Variants in ZNF682 observed in about 807,000 individuals in gnomAD.
The protein encoded by ZNF682 is zinc finger protein 682.
In ZNF682, 29 loss-of-function variants were observed where a neutral mutation model predicts 36.5. That is an observed-to-expected ratio of 0.80 (90% CI 0.59 to 1.08). ZNF682 has a LOEUF of 1.08. Among genes scored for constraint, ZNF682 ranks in the 50% least tolerant of loss-of-function variants. ZNF682 has a pLI of 0.00. For missense variants in ZNF682, 561 were observed against 579.7 expected (o/e 0.97, Z 0.33); for synonymous variants, 180 against 197.0 (o/e 0.91, Z 0.72).
Position 20,006,580 on chromosome 19 carries a change from T to G in ZNF682, c.922A>C (p.Thr308Pro), listed in dbSNP as rs1177085788. The change falls in exon 4 of 4, where the codon ACT (threonine) becomes CCT (proline). Residue 308 changes from threonine (T) to proline (P), a missense_variant. Physicochemically the swap from Thr to Pro is conservative, Grantham distance 38 (BLOSUM62 -1). Coordinates refer to ENST00000397165, the MANE Select transcript of ZNF682 (RefSeq NM_033196.3). ...SHLTKHKTIH[T>P]GKKPYKCKEC... is the part of the protein sequence containing the mutation. Reference sequence around the variant, plus strand: ...TTACATTTGTAGGGTTTCTTTCCAGTGTGAATTGTCTTATGTTTGGTGAGA... The same window carrying G: ...TTACATTTGTAGGGTTTCTTTCCAGGGTGAATTGTCTTATGTTTGGTGAGA... 1.1e-5 allele frequency: 18 copies of G among 1,614,094 alleles called. No homozygotes were observed. In the Admixed American group the frequency reaches 2.0e-4, roughly 18 times the overall value.
At chr19:19,997,056 G>A, downstream of ZNF682, 1 of 392,388 alleles carries the variant, frequency 2.5e-6, no homozygotes, top group Non-Finnish European at 4.5e-6. Flanking sequence ...CAGAAACCAG[G>A]CATAAGACAA....
At chr19:20,039,055 T>C (rs2088559779) in intron 1 of ZNF682, 2 of 1,112,636 alleles carry the variant, frequency 1.8e-6, no homozygotes, top group South Asian at 4.1e-5. Context: ...GACGCTTCCA[T>C]TGTCCCCGCA....
chr19:19,997,337 T>G (rs2088134024), intron 3 of ZNF682: 1 of 398,410 alleles, frequency 2.5e-6, no homozygotes, highest in Non-Finnish European at 4.4e-6. Flanking sequence ...TTTTCATACC[T>G]CATAAATAAG....
chr19:20,005,918 T>G lies in ZNF682; in HGVS notation c.*87A>C, dbSNP rs551308675. ...TTGTAGTGTTTCTCTCCAGTATGAA[T>G]TATCTTGTGATTTCAATGCCTTGAG... On this transcript the variant is annotated 3_prime_UTR_variant, in exon 4 of 4. Coordinates refer to ENST00000397165, the MANE Select transcript of ZNF682 (RefSeq NM_033196.3). 22 of 1,274,614 alleles carry G rather than the reference T, an allele frequency of 1.7e-5. No individual in the cohort carries two copies. The South Asian group carries it at 3.1e-4, about 18-fold the overall frequency. 79.0% of individuals were successfully genotyped at this position (1,274,614 alleles called of 1,614,324 possible).
chr19:19,997,130 G>A (rs551332545), exon 4 of ZNF682: 2 of 397,598 alleles, frequency 5.0e-6, no homozygotes, highest in East Asian at 7.1e-5. Context: ...CACTCCTCTA[G>A]CTACGTGTCC....
intron 1 of ZNF682, chr19:20,033,350 C>CA (rs2088497157): frequency 6.6e-6 from 1 of 152,234 alleles, no homozygotes; most frequent in East Asian, 1.9e-4. Flanking sequence ...GTTCCTGACT[C>CA]AGAGTACTGG....
downstream of ZNF682, among the ~76,000 whole-genome samples, chr19:20,002,070 G>C (rs2088171017): frequency 6.6e-6 from 1 of 152,016 alleles, no homozygotes; most frequent in Non-Finnish European, 1.5e-5. Context: ...ATGAACAGAA[G>C]AGTTATTATA....
In ZNF682 at chr19:20,024,548, ATCCATG is replaced by A. The variant is rs145195406; in HGVS notation, c.4-178_4-173del. 4,114 of 798,024 alleles carry A rather than the reference ATCCATG, an allele frequency of 5.2e-3. 122 individuals are homozygous for A. The African/African-American group carries it at 0.065, about 13-fold the overall frequency. 49.4% of individuals were successfully genotyped at this position (798,024 alleles called of 1,614,324 possible). On this transcript the variant is annotated intron_variant, in intron 1 of 3. Transcript: ENST00000397165. ...TCTAACACTGAGGAAAGAAAACAGA[ATCCATG>A]TGGCCAGGTTCGGTGGCTCACGCCT... is the stretch of plus-strand genomic sequence containing the variant.
intron 3 of ZNF682, chr19:20,015,637 C>T (rs1227979858): frequency 2.6e-6 from 1 of 384,802 alleles, no homozygotes; most frequent in African/African-American, 2.1e-5. Flanking sequence ...AATTTTCAAC[C>T]ATGACTGGCT....
intron 3 of ZNF682, among the ~76,000 whole-genome samples, chr19:20,016,131 T>G (rs1241470792): frequency 6.6e-6 from 1 of 152,074 alleles, no homozygotes; most frequent in Non-Finnish European, 1.5e-5. Flanking sequence ...GACAACATGG[T>G]GAAACTCCAT....
At chr19:20,027,912 CTG>C (rs1326477201) in intron 1 of ZNF682, among the ~76,000 whole-genome samples, 2 of 152,070 alleles carry the variant, frequency 1.3e-5, no homozygotes, top group Non-Finnish European at 2.9e-5. Flanking sequence ...CGGAGTGAGA[CTG>C]TCTCACACAC....
rs953198719 is a variant in ZNF682, at chr19:20,005,341, G to A, written c.*664C>T. 2.0e-5 allele frequency: 3 copies of A among 152,290 alleles called. No individual in the cohort carries two copies. The highest frequency in any genetic ancestry group is 7.2e-5 in the African/African-American group (3 of 41,534). 9.4% of individuals were successfully genotyped at this position (152,290 alleles called of 1,614,324 possible). On this transcript the variant is annotated 3_prime_UTR_variant, in exon 4 of 4. Transcript: ENST00000397165. ...GCCTCCCAAAGTGCTGGGATTATAA[G>A]TGTGAGCCACCGCGCCCGGCCTTAA... is the stretch of plus-strand genomic sequence containing the variant.
chr19:20,020,028 A>G (rs530936586), intron 3 of ZNF682, among the ~76,000 whole-genome samples: 1 of 144,142 alleles, frequency 6.9e-6, no homozygotes, highest in East Asian at 2.0e-4. Flanking sequence ...CCCTAGCAAC[A>G]CAGTGAGACC....
At chr19:20,013,695 C>T (rs146850821) in intron 3 of ZNF682, among the ~76,000 whole-genome samples, 5 of 152,340 alleles carry the variant, frequency 3.3e-5, no homozygotes, top group South Asian at 2.1e-4. Flanking sequence ...ATTCTCCTGC[C>T]TCAGCTTCCC....
downstream of ZNF682, among the ~76,000 whole-genome samples, chr19:20,001,379 A>G (rs1273137979): frequency 6.6e-6 from 1 of 152,190 alleles, no homozygotes; most frequent in Non-Finnish European, 1.5e-5. Flanking sequence ...TACTTTACGC[A>G]TGTTCCTGCA....
At chr19:20,038,157 T>C (rs930866345) in intron 1 of ZNF682, among the ~76,000 whole-genome samples, 1 of 152,018 alleles carries the variant, frequency 6.6e-6, no homozygotes, top group Non-Finnish European at 1.5e-5. Flanking sequence ...TCTGATAAGG[T>C]GTCTGTGCCT....
At chr19:20,010,710 T>C (rs1399600180) in intron 3 of ZNF682, among the ~76,000 whole-genome samples, 5 of 152,072 alleles carry the variant, frequency 3.3e-5, no homozygotes, top group Non-Finnish European at 7.4e-5. Context: ...CTCACCCCTG[T>C]AATCCTAGCA....
chr19:20,006,690 G>A lies in ZNF682; in HGVS notation c.812C>T (p.Pro271Leu), dbSNP rs202078734. 2.5e-5 allele frequency: 40 copies of A among 1,610,508 alleles called. No homozygotes were observed. The highest frequency in any genetic ancestry group is 2.8e-5 in the Non-Finnish European group (33 of 1,178,880). Residue 271 changes from proline (P) to leucine (L), a missense_variant, in exon 4 of 4, where the codon CCC becomes CTC. Pro to Leu is a moderately conservative substitution (Grantham distance 98). Coordinates refer to ENST00000397165, the MANE Select transcript of ZNF682 (RefSeq NM_033196.3). ...ATGAATTTTCTTATGTCTAACAAAG[G>A]GTGAACACCAGTGAAAGGCTTTTCC... ...ECGKAFHWCS[P>L]FVRHKKIHTG... is the part of the protein sequence containing the mutation.
At position 20,006,436 on chromosome 19, in the gene ZNF682, G is replaced by C; in HGVS notation, c.1066C>G (p.Leu356Val). 2 of 1,613,864 alleles carry C rather than the reference G, an allele frequency of 1.2e-6. No individual in the cohort carries two copies. The highest frequency in any genetic ancestry group is 1.7e-6 in the Non-Finnish European group (2 of 1,179,964). The change falls in exon 4 of 4, where the codon CTT becomes GTT. Residue 356 changes from leucine (L) to valine (V), a missense_variant. By Grantham distance (32) the Leu-to-Val change is conservative. Transcript: ENST00000397165. Reference sequence around the variant, plus strand: ...CTATGAATTACCTTATGTTCAGTAAGAATTGATGATGAGTTAAAAGCTTTG... The same window carrying C: ...CTATGAATTACCTTATGTTCAGTAACAATTGATGATGAGTTAAAAGCTTTG... ...CGKAFNSSSI[L>V]TEHKVIHSGE...
Sources: allele counts gnomAD v4.1 joint callset (sites outside exome capture counted in the v4.1 genomes callset), GRCh38; gene constraint gnomAD v4.1.1; transcripts MANE v1.5; gene names NCBI Gene and HGNC (gene_info 2026-07-23, HGNC 2026-07-21).